The following HECW2 variants were observed in gnomAD, a reference collection of about 807,000 sequenced individuals.
HECW2 encodes the protein E3 ubiquitin-protein ligase HECW2.
A neutral mutation model predicts 175.2 loss-of-function variants in HECW2; 61 were observed. The observed-to-expected ratio is 0.35, with a 90% CI of 0.28 to 0.43. The LOEUF (loss-of-function observed/expected upper bound fraction) is 0.43. Ranked by LOEUF, HECW2 falls within the 20% of genes least tolerant of loss-of-function variation. HECW2 has a pLI of 1.00. For synonymous variants in HECW2, 671 were observed against 731.0 expected (o/e 0.92, Z 1.32); for missense variants, 1,524 against 2,000.5 (o/e 0.76, Z 4.54).
At chr2:196,331,209 T>C (rs1171936296) in intron 4 of HECW2, 2 of 985,086 alleles carry the variant, frequency 2.0e-6, no homozygotes, top group Admixed American at 6.1e-5. Context: ...CATCTATAGA[T>C]CCAATTCCTG....
chr2:196,361,935 T>C (rs1483741965), intron 2 of HECW2: 6 of 985,292 alleles, frequency 6.1e-6, no homozygotes, highest in South Asian at 4.7e-5. Flanking sequence ...GTTTCATTCA[T>C]AGGAGCAGCC....
intron 2 of HECW2, among the ~76,000 whole-genome samples, chr2:196,375,553 G>T (rs763289671): frequency 5.3e-5 from 8 of 152,184 alleles, no homozygotes; most frequent in Non-Finnish European, 1.2e-4. Context: ...ACTGGGTTTT[G>T]AAAGAAAAGG....
chr2:196,394,314 G>C (rs1694600771), intron 2 of HECW2, among the ~76,000 whole-genome samples: 1 of 152,030 alleles, frequency 6.6e-6, no homozygotes, highest in African/African-American at 2.4e-5. Flanking sequence ...AAATAAAAAA[G>C]AAAAGAAAAT....
At chr2:196,383,951 T>G (rs1694276982) in intron 2 of HECW2, among the ~76,000 whole-genome samples, 1 of 152,198 alleles carries the variant, frequency 6.6e-6, no homozygotes, top group South Asian at 2.1e-4. Flanking sequence ...GTGTCTCATA[T>G]TACTCATCTG....
rs555132019 is a variant in HECW2, at chr2:196,420,207, C to T, written c.292+12925G>A. Among the ~76,000 whole-genome samples the T allele has an allele frequency of 7.2e-5, 11 of 152,340 alleles. No individual in the cohort carries two copies. In the South Asian group the frequency reaches 2.3e-3, roughly 32 times the overall value. On this transcript the variant is annotated intron_variant, in intron 2 of 28. Transcript: ENST00000644978. ...GAGTTACAATACTCTGGTTTCTAAA[C>T]TTAAAACAGGTTGAAAATCTGAGTT... is the stretch of plus-strand genomic sequence containing the variant.
At chr2:196,278,795 G>C in intron 14 of HECW2, 133 bp from the exon 15 acceptor site, 1 of 1,065,744 alleles carries the variant, frequency 9.4e-7, no homozygotes, top group Non-Finnish European at 1.4e-6. Flanking sequence ...TTCAATCTTT[G>C]GGGAAATTTC....
chr2:196,274,451 T>C (rs1420868455), intron 15 of HECW2, among the ~76,000 whole-genome samples: 1 of 152,212 alleles, frequency 6.6e-6, no homozygotes, highest in Non-Finnish European at 1.5e-5. Flanking sequence ...CAGGACTAAC[T>C]TCTGCATTGA....
At chr2:196,494,214 G>T (rs1275290313) in intron 1 of HECW2, among the ~76,000 whole-genome samples, 1 of 152,212 alleles carries the variant, frequency 6.6e-6, no homozygotes, top group Admixed American at 6.5e-5. Flanking sequence ...AAGCTGGACA[G>T]AGAGTTGGAA....
chr2:196,551,161 A>C (rs1689591377), intron 1 of HECW2, among the ~76,000 whole-genome samples: 1 of 152,228 alleles, frequency 6.6e-6, no homozygotes, highest in Non-Finnish European at 1.5e-5. Flanking sequence ...AGACCAGATA[A>C]ATAGCTCCAT....
rs1219072327 is a variant in HECW2 at position 196,195,284 on chromosome 2, T to C, written c.*5993A>G. 6.6e-6 allele frequency: 1 copy of C among 152,218 alleles called. No homozygotes were observed. Among genetic ancestry groups the C allele is most frequent in the Non-Finnish European group, 1.5e-5 (1 of 68,016 alleles). 9.4% of individuals were successfully genotyped at this position (152,218 alleles called of 1,614,324 possible). A position where few individuals can be genotyped will look rare whatever the true frequency, so the allele number is the denominator to read the frequency against. Reference sequence around the variant, plus strand: ...GATGGTTCCTTACCTGCATCAGTAATAGCTGATTCAGTTTGAATCACACAA... The same window carrying C: ...GATGGTTCCTTACCTGCATCAGTAACAGCTGATTCAGTTTGAATCACACAA... On this transcript the variant is annotated 3_prime_UTR_variant, in exon 29 of 29. Transcript: ENST00000644978.
At chr2:196,263,609 A>G (rs967262386) in intron 17 of HECW2, 1 of 152,184 alleles carries the variant, frequency 6.6e-6, no homozygotes, top group Non-Finnish European at 1.5e-5. Flanking sequence ...GATCATTCAT[A>G]CTCATTATTA....
intron 2 of HECW2, among the ~76,000 whole-genome samples, chr2:196,360,941 A>G (rs1367684920): frequency 2.6e-5 from 4 of 152,184 alleles, no homozygotes; most frequent in African/African-American, 7.2e-5. Flanking sequence ...GTGAGAGTCT[A>G]TCCAATACAT....
At chr2:196,384,323 G>A (rs1026243754) in intron 2 of HECW2, among the ~76,000 whole-genome samples, 1 of 152,114 alleles carries the variant, frequency 6.6e-6, no homozygotes, top group African/African-American at 2.4e-5. Flanking sequence ...GCTCGTACCT[G>A]TAATTCCAAC....
rs755331333 is a variant in HECW2, at chr2:196,225,823, T to TA, written c.3964dup (p.Tyr1322LeufsTer13). The TA allele has an allele frequency of 6.2e-7, 1 of 1,613,404 alleles. No homozygotes were observed. The highest frequency in any genetic ancestry group is 8.5e-7 in the Non-Finnish European group (1 of 1,179,402). ...CCGTGTGAAGAAGGCATCCAACAAATACTGGTGTATTAGTGCAAGACCAAG... is the reference window on the plus strand; with the variant it reads ...CCGTGTGAAGAAGGCATCCAACAAATAACTGGTGTATTAGTGCAAGACCAAG... On this transcript the variant is annotated frameshift_variant, in exon 23 of 29. Transcript: ENST00000644978. LOFTEE classifies it high-confidence loss of function.
rs192367568 is a variant in HECW2, at chr2:196,324,881, C to T, written c.741+99G>A. 1.1e-5 allele frequency: 11 copies of T among 1,010,226 alleles called. No homozygotes were observed. In the African/African-American group the frequency reaches 1.5e-4, roughly 13 times the overall value. 62.6% of individuals were successfully genotyped at this position (1,010,226 alleles called of 1,614,324 possible). A position where few individuals can be genotyped will look rare whatever the true frequency, so the allele number is the denominator to read the frequency against. On this transcript the variant is annotated intron_variant, in intron 6 of 28. Coordinates refer to ENST00000644978, the MANE Select transcript of HECW2 (RefSeq NM_001348768.2). ...CCCTTCCCAGCAGAACCCCTAGACACTTCATAAACAACCTGAGGGATGCAA... is the reference window on the plus strand; with the variant it reads ...CCCTTCCCAGCAGAACCCCTAGACATTTCATAAACAACCTGAGGGATGCAA...
At chr2:196,453,937 G>T (rs932166657) in intron 1 of HECW2, among the ~76,000 whole-genome samples, 2 of 152,130 alleles carry the variant, frequency 1.3e-5, no homozygotes, top group African/African-American at 4.8e-5. Context: ...ACTGGAAATT[G>T]TCGGCCTAAT....
chr2:196,436,311 G>T (rs1695870869), intron 1 of HECW2, among the ~76,000 whole-genome samples: 1 of 149,054 alleles, frequency 6.7e-6, no homozygotes, highest in Non-Finnish European at 1.5e-5. Flanking sequence ...TGAGGCAGGA[G>T]AATGGCATGA....
At chr2:196,500,365 T>TTACATACATACATGCA (rs1687534608) in intron 1 of HECW2, among the ~76,000 whole-genome samples, 1 of 152,152 alleles carries the variant, frequency 6.6e-6, no homozygotes, top group Non-Finnish European at 1.5e-5. Context: ...TTCATCATAC[T>TTACATACATACATGCA]TACATACATA....
intron 10 of HECW2, among the ~76,000 whole-genome samples, chr2:196,309,768 A>T (rs1294762863): frequency 1.3e-5 from 2 of 152,162 alleles, no homozygotes; most frequent in African/African-American, 4.8e-5. Flanking sequence ...AATTCAGGAT[A>T]AAAAAATAGA....
Sources: allele counts gnomAD v4.1 joint callset (sites outside exome capture counted in the v4.1 genomes callset), GRCh38; gene constraint gnomAD v4.1.1; transcripts MANE v1.5; gene names NCBI Gene and HGNC (gene_info 2026-07-23, HGNC 2026-07-21).